PRDM2: variants seen among roughly 807,000 people sequenced by gnomAD.
PRDM2 encodes the protein PR/SET domain 2.
In PRDM2, 30 loss-of-function variants were observed where a neutral mutation model predicts 130.0. That is an observed-to-expected ratio of 0.23 (90% CI 0.17 to 0.31). The LOEUF is 0.31. Ranked by LOEUF, PRDM2 falls within the 10% of genes least tolerant of loss-of-function variation. The pLI is 1.00. For synonymous variants in PRDM2, 871 were observed against 782.4 expected (o/e 1.11, Z -1.89); for missense variants, 2,011 against 2,108.4 (o/e 0.95, Z 0.90).
At chr1:13,786,570 A>G (rs201473861) in intron 8 of PRDM2, 46 of 1,605,018 alleles carry the variant, frequency 2.9e-5, no homozygotes, top group Non-Finnish European at 3.5e-5. Context: ...ACTAAAAAGT[A>G]TTGCATGCTC....
intron 4 of PRDM2, among the ~76,000 whole-genome samples, chr1:13,734,865 A>G (rs1643218278): frequency 6.6e-6 from 1 of 152,228 alleles, no homozygotes; most frequent in Non-Finnish European, 1.5e-5. Flanking sequence ...ATACATGTGT[A>G]AGTATGTATA....
In PRDM2 at chr1:13,782,743, A is replaced by G; in HGVS notation, c.4948A>G (p.Thr1650Ala). ...TAGAGAGCGGAGTGGGGGGCCAGTC[A>G]CCCGGAGCCTTCAGCTGGCAGCTGC... ...KSRERSGGPV[T>A]RSLQLAAAAD... The change falls in exon 8 of 10, where the codon ACC becomes GCC. Residue 1650 changes from threonine to alanine, a missense_variant. Around this residue, in one of 5 missense-constraint regions of PRDM2, gnomAD observed 410 missense variants for 395.9 expected, o/e 1.04. Transcript: ENST00000311066. 2 of 1,613,074 alleles carry G rather than the reference A, an allele frequency of 1.2e-6. No individual in the cohort carries two copies. Among genetic ancestry groups the G allele is most frequent in the Non-Finnish European group, 1.7e-6 (2 of 1,179,706 alleles).
Position 13,782,748 on chromosome 1 carries a change from G to T in PRDM2, c.4953G>T (p.Arg1651=). The change falls in exon 8 of 10, where the codon CGG becomes CGT. Residue 1651 remains arginine (R), a synonymous_variant. Coordinates refer to ENST00000311066, the MANE Select transcript of PRDM2 (RefSeq NM_001393986.1). Reference sequence around the variant, plus strand: ...AGCGGAGTGGGGGGCCAGTCACCCGGAGCCTTCAGCTGGCAGCTGCTGCTG... The same window carrying T: ...AGCGGAGTGGGGGGCCAGTCACCCGTAGCCTTCAGCTGGCAGCTGCTGCTG... ...SRERSGGPVT[R]SLQLAAAADL... is the part of the protein sequence containing the mutation. The T allele has an allele frequency of 6.2e-7, 1 of 1,613,116 alleles. No individual in the cohort carries two copies. The highest frequency in any genetic ancestry group is 8.5e-7 in the Non-Finnish European group (1 of 1,179,698).
chr1:13,768,195 A>G (rs1644274840), intron 6 of PRDM2, among the ~76,000 whole-genome samples: 1 of 147,476 alleles, frequency 6.8e-6, no homozygotes, highest in Admixed American at 7.0e-5. Context: ...CTCCTGCCTC[A>G]GCCTCCCAAG....
At chr1:13,753,175 G>T (rs1267822633) in intron 6 of PRDM2, among the ~76,000 whole-genome samples, 1 of 152,260 alleles carries the variant, frequency 6.6e-6, no homozygotes, top group Admixed American at 6.5e-5. Flanking sequence ...TATTGACCTC[G>T]CTGTTCACAG....
At chr1:13,789,324 C>G in intron 8 of PRDM2, among the ~76,000 whole-genome samples, 1 of 152,230 alleles carries the variant, frequency 6.6e-6, no homozygotes, top group Non-Finnish European at 1.5e-5. Context: ...GTTACAAGTA[C>G]TTTCTAGCAA....
At chr1:13,706,524 A>C (rs181104921) in intron 1 of PRDM2, among the ~76,000 whole-genome samples, 2 of 151,982 alleles carry the variant, frequency 1.3e-5, no homozygotes, top group East Asian at 3.9e-4. Flanking sequence ...AGGATTAGCA[A>C]CTCCTCACAC....
At chr1:13,815,428 T>C (rs1213783448) in intron 8 of PRDM2, among the ~76,000 whole-genome samples, 2 of 152,202 alleles carry the variant, frequency 1.3e-5, no homozygotes, top group East Asian at 1.9e-4. Flanking sequence ...TTATTTTTAT[T>C]GTGCCAAGCT....
chr1:13,780,477 T>C lies in PRDM2; in HGVS notation c.2682T>C (p.Asn894=). The change falls in exon 8 of 10, where the codon AAT becomes AAC. Residue 894 remains asparagine, a synonymous_variant. Transcript: ENST00000311066. ...GCATGCTGCAGAAGGTTCTTCTCAA[T>C]GAATATAATGGCATCGATTTACCTG... ...TTCMLQKVLL[N]EYNGIDLPVE... 11 of 1,614,154 alleles carry C rather than the reference T, an allele frequency of 6.8e-6. No homozygotes were observed. The highest frequency in any genetic ancestry group is 9.3e-6 in the Non-Finnish European group (11 of 1,180,034).
intron 8 of PRDM2, among the ~76,000 whole-genome samples, chr1:13,800,267 TA>T (rs1351497875): frequency 6.6e-6 from 1 of 151,968 alleles, no homozygotes; most frequent in Non-Finnish European, 1.5e-5. Context: ...GGGAGAGAAA[TA>T]AAACACAGAT....
At chr1:13,819,640 C>T (rs1645315415) in intron 9 of PRDM2, among the ~76,000 whole-genome samples, 1 of 152,228 alleles carries the variant, frequency 6.6e-6, no homozygotes, top group Non-Finnish European at 1.5e-5. Context: ...GACTGTGTGG[C>T]TTAAATATTG....
intron 8 of PRDM2, among the ~76,000 whole-genome samples, chr1:13,794,851 C>T (rs1644897637): frequency 6.6e-6 from 1 of 152,232 alleles, no homozygotes. Context: ...TGCCTCTGCC[C>T]AGAGAGAAAG....
intron 2 of PRDM2, among the ~76,000 whole-genome samples, chr1:13,724,360 G>A (rs1642836327): frequency 6.6e-6 from 1 of 152,180 alleles, no homozygotes; most frequent in Non-Finnish European, 1.5e-5. Flanking sequence ...CCCTTCAAAT[G>A]ATAAAGACTC....
intron 7 of PRDM2, among the ~76,000 whole-genome samples, chr1:13,774,070 G>A (rs1009997735): frequency 2.6e-5 from 4 of 152,076 alleles, no homozygotes; most frequent in African/African-American, 9.7e-5. Flanking sequence ...TTGTCTCTTC[G>A]TGTTTGTCCC....
intron 6 of PRDM2, among the ~76,000 whole-genome samples, chr1:13,772,460 C>T (rs984398669): frequency 2.6e-5 from 4 of 152,210 alleles, no homozygotes; most frequent in Non-Finnish European, 4.4e-5. Context: ...GAAATATTGA[C>T]CTGGACTGGA....
intron 2 of PRDM2, among the ~76,000 whole-genome samples, chr1:13,722,221 A>G (rs1642753020): frequency 6.6e-6 from 1 of 152,178 alleles, no homozygotes; most frequent in Non-Finnish European, 1.5e-5. Context: ...GCAGCTCACC[A>G]TCTGGGAAAT....
intron 6 of PRDM2, among the ~76,000 whole-genome samples, chr1:13,766,309 A>G (rs1241549135): frequency 6.6e-6 from 1 of 152,200 alleles, no homozygotes; most frequent in East Asian, 1.9e-4. Flanking sequence ...AAGACTCTGC[A>G]AAAGGGTGAG....
chr1:13,755,760 G>A (rs185758045), intron 6 of PRDM2, among the ~76,000 whole-genome samples: 500 of 152,110 alleles, frequency 3.3e-3, no homozygotes, highest in African/African-American at 0.011. Context: ...TTATAGAGAG[G>A]AGGGTGTAGT....
At chr1:13,759,354 A>G (rs1460135323) in intron 6 of PRDM2, among the ~76,000 whole-genome samples, 4 of 152,184 alleles carry the variant, frequency 2.6e-5, no homozygotes, top group African/African-American at 7.2e-5. Flanking sequence ...TTGAAGTTGC[A>G]ATGCCGTTTA....
Sources: gnomAD v4.1 joint callset for allele counts (sites outside exome capture counted in the v4.1 genomes callset) on GRCh38, gnomAD v4.1.1 for gene constraint, gnomAD v4.1.1 regional missense constraint, MANE v1.5 for transcripts, NCBI Gene and HGNC (gene_info 2026-07-23, HGNC 2026-07-21) for gene names.